The following DOK1 variants were observed in gnomAD, a reference collection of about 807,000 sequenced individuals.
The protein encoded by DOK1 is docking protein 1.
Under a neutral mutation model 24.0 loss-of-function variants are expected in DOK1, and 12 were observed. That is an observed-to-expected ratio of 0.50 (90% confidence interval 0.32 to 0.81). The LOEUF (loss-of-function observed/expected upper bound fraction) is 0.81, where lower values mean the gene tolerates loss of function less well. Ranked by LOEUF, DOK1 falls within the 30% of genes least tolerant of loss-of-function variation. DOK1 has a pLI of 0.03. For synonymous variants in DOK1, 250 were observed against 260.9 expected, an observed-to-expected ratio of 0.96 and a Z score of 0.40; for missense variants, 591 against 620.7, an observed-to-expected ratio of 0.95 and a Z score of 0.51.
chr2:74,552,753 C>A, upstream of DOK1: 1 of 985,064 alleles, frequency 1.0e-6, no homozygotes, highest in Admixed American at 2.9e-5. Context: ...CTGAGTAAGA[C>A]AGAGACAGCG....
upstream of DOK1, chr2:74,549,946 CA>C (rs1216954502): frequency 8.1e-6 from 8 of 985,314 alleles, no homozygotes; most frequent in Non-Finnish European, 9.6e-6. This position sits in a 1 kb window ranked among gnomAD's most constrained non-coding sequence, Gnocchi z 5.3. Flanking sequence ...CCAGGTGCCC[CA>C]GGGGTGACTA....
chr2:74,554,378 T>G (rs969247106), upstream of DOK1: 30 of 239,798 alleles, frequency 1.3e-4, 1 homozygote, highest in East Asian at 3.3e-3. The surrounding 1 kb of genome is among the most constrained non-coding windows in gnomAD (Gnocchi z 4.9). Flanking sequence ...CGGAGGCCCG[T>G]GTGGGTCTCT....
Position 74,555,115 on chromosome 2 carries a change from C to A in DOK1, c.61-39C>A. 6.3e-7 allele frequency: 1 copy of A among 1,576,940 alleles called. No individual in the cohort carries two copies. Among genetic ancestry groups the A allele is most frequent in the Non-Finnish European group, 8.6e-7 (1 of 1,161,190 alleles). On this transcript the variant is annotated intron_variant, in intron 1 of 4. Transcript: ENST00000233668. This position sits in a 1 kb window ranked among gnomAD's most constrained non-coding sequence, Gnocchi z 6.1. ...CCCGTCGGGACCCGGGCCGCCTGCGCACGCCACTCCCTCTCGAGCACTCTC... is the reference window on the plus strand; with the variant it reads ...CCCGTCGGGACCCGGGCCGCCTGCGAACGCCACTCCCTCTCGAGCACTCTC...
rs1676848524 is a variant in DOK1 at position 74,549,456 on chromosome 2, T to C, written c.-358+284T>C. On this transcript the variant is annotated intron_variant, in intron 1 of 4. Coordinates refer to the DOK1 transcript ENST00000409429. The surrounding 1 kb of genome is among the most constrained non-coding windows in gnomAD (Gnocchi z 5.3). ...GCTGTTGTGGGCGCTCCAGCCTTTG[T>C]CGCACACTTGCGACCAGCCGTCAGG... 6.2e-7 allele frequency: 1 copy of C among 1,613,188 alleles called. No individual in the cohort carries two copies.
In DOK1 at chr2:74,549,133, G is replaced by C. The variant is rs1298275234; in HGVS notation, c.-397G>C. 3 of 398,482 alleles carry C rather than the reference G, an allele frequency of 7.5e-6. No individual in the cohort carries two copies. The highest frequency in any genetic ancestry group is 1.3e-5 in the Non-Finnish European group (3 of 229,500). 24.7% of individuals were successfully genotyped at this position (398,482 alleles called of 1,614,324 possible). A position where few individuals can be genotyped will look rare whatever the true frequency, so the allele number is the denominator to read the frequency against. On this transcript the variant is annotated 5_prime_UTR_variant, in exon 1 of 5. Coordinates refer to the DOK1 transcript ENST00000409429. The surrounding 1 kb of genome is among the most constrained non-coding windows in gnomAD (Gnocchi z 5.3). The stretch of plus-strand genomic sequence containing the variant: ...GAATCCGCCTGCCCGCCCAGGCGTC[G>C]GCCACGAGAGAGCGGGAGCCTCGCT...
upstream of DOK1, among the ~76,000 whole-genome samples, chr2:74,553,349 C>G (rs1345521774): frequency 1.3e-5 from 2 of 152,196 alleles, no homozygotes; most frequent in Non-Finnish European, 2.9e-5. Context: ...ACGCCCTCCC[C>G]AACACGCAGG....
In DOK1 at chr2:74,555,764, G is replaced by A. The variant is rs572702350; in HGVS notation, c.454+96G>A. 1.3e-6 allele frequency: 2 copies of A among 1,594,956 alleles called. No individual in the cohort carries two copies. Among genetic ancestry groups the A allele is most frequent in the African/African-American group, 2.7e-5 (2 of 74,468 alleles). ...TGGATACCCAGGGGCCCATGGGGAA[G>A]TAAGAAGTAGGAAGGCCCTGAGATC... is the stretch of plus-strand genomic sequence containing the variant. On this transcript the variant is annotated intron_variant, in intron 3 of 4. Transcript: ENST00000233668. This position sits in a 1 kb window ranked among gnomAD's most constrained non-coding sequence, Gnocchi z 6.1.
Position 74,555,531 on chromosome 2 carries a change from C to A in DOK1, c.361-44C>A. The A allele has an allele frequency of 6.2e-7, 1 of 1,613,592 alleles. No individual in the cohort carries two copies. The highest frequency in any genetic ancestry group is 8.5e-7 in the Non-Finnish European group (1 of 1,179,870). ...GGGCTGCCTCAGACCGACCCCCGCT[C>A]CCCGCTGAGGAAATTACGGGTTTCT... is the stretch of plus-strand genomic sequence containing the variant. On this transcript the variant is annotated intron_variant, in intron 2 of 4. Transcript: ENST00000233668. The surrounding 1 kb of genome is among the most constrained non-coding windows in gnomAD (Gnocchi z 6.1).
chr2:74,552,895 G>C, upstream of DOK1: 1 of 453,148 alleles, frequency 2.2e-6, no homozygotes, highest in Non-Finnish European at 3.9e-6. Flanking sequence ...ATGAGAGATC[G>C]AGAGTCAGAG....
Position 74,549,570 on chromosome 2 carries a change from A to G in DOK1, c.-358+398A>G, listed in dbSNP as rs1195206226. 5 of 1,609,296 alleles carry G rather than the reference A, an allele frequency of 3.1e-6. No homozygotes were observed. The South Asian group carries it at 5.5e-5, about 18-fold the overall frequency. ...TCGAATTCGCACCTCCTCCACTTGC[A>G]GGTGATGCTCTACCTGGGGGCGGGG... On this transcript the variant is annotated intron_variant, in intron 1 of 4. Coordinates refer to the DOK1 transcript ENST00000409429. This position sits in a 1 kb window ranked among gnomAD's most constrained non-coding sequence, Gnocchi z 5.3.
chr2:74,552,214 T>C (rs1573030843), upstream of DOK1: 1 of 978,144 alleles, frequency 1.0e-6, no homozygotes, highest in East Asian at 2.5e-5. Context: ...CAATGCTGGC[T>C]GTTCTTGGTG....
rs1290736522 is a variant in DOK1 at position 74,555,465 on chromosome 2, C to T, written c.360+12C>T. 6 of 1,607,732 alleles carry T rather than the reference C, an allele frequency of 3.7e-6. No individual in the cohort carries two copies. Among genetic ancestry groups the T allele is most frequent in the South Asian group, 1.1e-5 (1 of 90,642 alleles). On this transcript the variant is annotated intron_variant, in intron 2 of 4. Transcript: ENST00000233668. This position sits in a 1 kb window ranked among gnomAD's most constrained non-coding sequence, Gnocchi z 6.1. ...GAAACGCCTTTCCGGTGAGGAGCTG[C>T]GGCGATGCGGGGTGGGGGCAGTTAC...
Position 74,555,196 on chromosome 2 carries a change from C to T in DOK1, c.103C>T (p.His35Tyr), listed in dbSNP as rs928494513. The T allele has an allele frequency of 1.9e-6, 3 of 1,613,512 alleles. No individual in the cohort carries two copies. Among genetic ancestry groups the T allele is most frequent in the Non-Finnish European group, 2.5e-6 (3 of 1,179,990 alleles). Residue 35 changes from histidine (H) to tyrosine (Y), a missense_variant, in exon 2 of 5, where the codon CAC becomes TAC. His to Tyr is a moderately conservative substitution (Grantham distance 83). Transcript: ENST00000233668. This position sits in a 1 kb window ranked among gnomAD's most constrained non-coding sequence, Gnocchi z 6.1. ...GGCCGTGCTCTACCCGGCCAGTCCC[C>T]ACGGCGTAGCGCGGCTCGAGTTCTT... ...TWAVLYPASPHGVARLEFFDH... is the reference protein window; with the variant it reads ...TWAVLYPASPYGVARLEFFDH...
At chr2:74,553,420 G>A (rs2104457451), upstream of DOK1, among the ~76,000 whole-genome samples, 1 of 152,300 alleles carries the variant, frequency 6.6e-6, no homozygotes, top group South Asian at 2.1e-4. Flanking sequence ...GCTGGGCGGG[G>A]GATGGGGTAG....
upstream of DOK1, chr2:74,554,062 C>T (rs1677207431): frequency 6.5e-6 from 1 of 152,936 alleles, no homozygotes. The surrounding 1 kb of genome is among the most constrained non-coding windows in gnomAD (Gnocchi z 4.9). Context: ...TTCCATTCCT[C>T]CCGGCCAGTT....
rs540678296 is a variant in DOK1, at chr2:74,556,419, C to T, written c.751C>T (p.Arg251Trp). The change falls in exon 5 of 5, where the codon CGG becomes TGG. Residue 251 changes from arginine to tryptophan, a missense_variant. Physicochemically the swap from Arg to Trp is moderately radical, Grantham distance 101. Transcript: ENST00000233668. The surrounding 1 kb of genome is among the most constrained non-coding windows in gnomAD (Gnocchi z 4.1). Reference sequence around the variant, plus strand: ...CCAGGCAGTTGAGACTGCCATCCACCGGCAGAAGGCCCAGGGAAAGGCCGG... The same window carrying T: ...CCAGGCAGTTGAGACTGCCATCCACTGGCAGAAGGCCCAGGGAAAGGCCGG... Reference protein sequence around the residue: ...IFQAVETAIHRQKAQGKAGQG... With the variant: ...IFQAVETAIHWQKAQGKAGQG... 15 of 1,614,128 alleles carry T rather than the reference C, an allele frequency of 9.3e-6. No homozygotes were observed. The highest frequency in any genetic ancestry group is 8.9e-5 in the East Asian group (4 of 44,872).
chr2:74,550,004 G>C (rs1365410097), upstream of DOK1: 20 of 985,296 alleles, frequency 2.0e-5, no homozygotes, highest in Non-Finnish European at 2.3e-5. Flanking sequence ...CCTTGAATGT[G>C]AATGCTAAAA....
chr2:74,552,861 G>T (rs1677109038), upstream of DOK1: 1 of 526,164 alleles, frequency 1.9e-6, no homozygotes, highest in Admixed American at 3.6e-5. Context: ...CACAGCCTGA[G>T]AGACCCAGAG....
upstream of DOK1, chr2:74,552,523 C>T (rs767989657): frequency 1.1e-5 from 18 of 1,613,214 alleles, no homozygotes; most frequent in African/African-American, 4.0e-5. Flanking sequence ...CCCTGGCTCC[C>T]GGCCTTCTTC....
Sources: allele counts gnomAD v4.1 joint callset (sites outside exome capture counted in the v4.1 genomes callset), GRCh38; gene constraint gnomAD v4.1.1; non-coding constraint Gnocchi (gnomAD v3.1); transcripts MANE v1.5; gene names NCBI Gene and HGNC (gene_info 2026-07-23, HGNC 2026-07-21).